Variants in MTARC2 observed in about 807,000 individuals in gnomAD.
MTARC2 encodes MOCO sulphurase C-terminal domain containing 2.
In MTARC2, 27 loss-of-function variants were observed where a neutral mutation model predicts 35.6. That is an observed-to-expected ratio of 0.76 (90% CI 0.56 to 1.04). MTARC2 has a LOEUF of 1.04. Ranked by LOEUF, MTARC2 falls within the 50% of genes least tolerant of loss-of-function variation. The pLI, the probability that MTARC2 is intolerant of heterozygous loss-of-function variation, is 0.00. For missense variants in MTARC2, 412 were observed against 432.5 expected (o/e 0.95, Z 0.42); for synonymous variants, 158 against 167.1 (o/e 0.95, Z 0.42).
At chr1:220,778,238 AC>A (rs1392487167) in intron 4 of MTARC2, among the ~76,000 whole-genome samples, 1 of 106,566 alleles carries the variant, frequency 9.4e-6, no homozygotes, top group Non-Finnish European at 1.8e-5. Context: ...ACAGAGTGAG[AC>A]TCTGTCTCAA....
In MTARC2 at chr1:220,763,069, T is replaced by C; in HGVS notation, c.750+19T>C. ...TGAGGAGGTAAGCGACCCACTGCTT[T>C]TGTGCATCATGCTCAGATGTGCTGC... On this transcript the variant is annotated intron_variant, in intron 4 of 7. Coordinates refer to ENST00000366913, the MANE Select transcript of MTARC2 (RefSeq NM_017898.5). The C allele has an allele frequency of 1.2e-6, 2 of 1,614,150 alleles. No homozygotes were observed. The highest frequency in any genetic ancestry group is 1.3e-5 in the African/African-American group (1 of 75,038).
chr1:220,767,999 A>G (rs1671628203), intron 4 of MTARC2, among the ~76,000 whole-genome samples: 1 of 152,238 alleles, frequency 6.6e-6, no homozygotes, highest in African/African-American at 2.4e-5. Context: ...TAAGAACAGC[A>G]GTCTCTACCA....
At chr1:220,782,250 C>T (rs1333153127) in intron 7 of MTARC2, among the ~76,000 whole-genome samples, 1 of 152,208 alleles carries the variant, frequency 6.6e-6, no homozygotes, top group Non-Finnish European at 1.5e-5. Context: ...GATTGATTCT[C>T]AGAGTTATGT....
Position 220,783,915 on chromosome 1 carries a change from T to C in MTARC2, c.*32-4T>C. On this transcript the variant is annotated splice_polypyrimidine_tract_variant and splice_region_variant and intron_variant, in intron 7 of 7. Transcript: ENST00000366913. ...ATAACCAGAGATTCTTATTATTTAT[T>C]CAGGCTTCAGCAACCAGGAGGGATT... is the stretch of plus-strand genomic sequence containing the variant. 1 of 717,456 alleles carries C rather than the reference T, an allele frequency of 1.4e-6. No individual in the cohort carries two copies. Among genetic ancestry groups the C allele is most frequent in the Non-Finnish European group, 2.6e-6 (1 of 385,084 alleles). The allele number at this position is 717,456 out of a possible 1,614,324, so 44.4% of individuals were successfully genotyped here.
intron 4 of MTARC2, among the ~76,000 whole-genome samples, chr1:220,769,130 C>A (rs760619812): frequency 5.3e-5 from 8 of 152,206 alleles, no homozygotes; most frequent in Non-Finnish European, 8.8e-5. Flanking sequence ...ACAACTGAGT[C>A]ATTTGTAATA....
intron 2 of MTARC2, among the ~76,000 whole-genome samples, chr1:220,761,012 A>G (rs1572298644): frequency 6.6e-6 from 1 of 152,238 alleles, no homozygotes; most frequent in South Asian, 2.1e-4. Context: ...TAAACTTATG[A>G]TGAAAAAGTT....
rs551130473 is a variant in MTARC2 at position 220,760,010 on chromosome 1, G to T, written c.447-1648G>T. On this transcript the variant is annotated intron_variant, in intron 2 of 7. Coordinates refer to ENST00000366913, the MANE Select transcript of MTARC2 (RefSeq NM_017898.5). ...GCCTCAGGAGTCCTCACACTGGTAT[G>T]AGCCTTCCCACGGGGAGGGGCAAGC... Among the ~76,000 whole-genome samples the T allele has an allele frequency of 3.9e-5, 6 of 152,264 alleles. No individual in the cohort carries two copies. The South Asian group carries it at 8.3e-4, about 21-fold the overall frequency.
At chr1:220,751,644 G>C (rs1671128026) in intron 1 of MTARC2, among the ~76,000 whole-genome samples, 1 of 152,142 alleles carries the variant, frequency 6.6e-6, no homozygotes, top group Non-Finnish European at 1.5e-5. Flanking sequence ...ATTGAGAAAT[G>C]ATATTTTTTT....
At chr1:220,754,422 C>T (rs775817303) in intron 1 of MTARC2, 50 of 456,198 alleles carry the variant, frequency 1.1e-4, no homozygotes, top group African/African-American at 5.4e-4. Flanking sequence ...GTAGGACCCC[C>T]GCATGCCGCG....
At chr1:220,756,143 T>C (rs1671275050) in intron 2 of MTARC2, 1 of 152,302 alleles carries the variant, frequency 6.6e-6, no homozygotes, top group South Asian at 2.1e-4. Context: ...ATGGGACTTC[T>C]GTTGGGTTGT....
At chr1:220,753,610 C>T (rs1041554417) in intron 1 of MTARC2, among the ~76,000 whole-genome samples, 1 of 152,208 alleles carries the variant, frequency 6.6e-6, no homozygotes, top group East Asian at 1.9e-4. Flanking sequence ...GAATGTCTCC[C>T]TGGGAGGAGC....
chr1:220,775,766 A>G (rs1404893692), intron 4 of MTARC2, among the ~76,000 whole-genome samples: 2 of 152,232 alleles, frequency 1.3e-5, no homozygotes, highest in African/African-American at 4.8e-5. Context: ...CTTATACATT[A>G]GAACATGTTG....
intron 1 of MTARC2, among the ~76,000 whole-genome samples, chr1:220,750,553 C>A (rs938840166): frequency 6.6e-6 from 1 of 152,142 alleles, no homozygotes; most frequent in African/African-American, 2.4e-5. Flanking sequence ...AACTGTATTA[C>A]CTTTCCCTTG....
At chr1:220,769,799 A>G (rs1321556699) in intron 4 of MTARC2, among the ~76,000 whole-genome samples, 1 of 148,840 alleles carries the variant, frequency 6.7e-6, no homozygotes, top group Non-Finnish European at 1.5e-5. Context: ...TTTTTCACAA[A>G]TGTCTCTCAG....
intron 4 of MTARC2, among the ~76,000 whole-genome samples, chr1:220,767,637 C>G (rs1484034158): frequency 1.3e-5 from 2 of 152,160 alleles, no homozygotes; most frequent in African/African-American, 2.4e-5. Flanking sequence ...TGCTCACTGT[C>G]CTGATGAGAT....
intron 4 of MTARC2, 191 bp from the exon 5 acceptor site, chr1:220,779,827 G>T: frequency 2.2e-6 from 1 of 445,964 alleles, no homozygotes; most frequent in South Asian, 4.0e-5. Context: ...TTGAGACTGG[G>T]AGTCAAGAGG....
chr1:220,761,541 C>T (rs1671435572), intron 2 of MTARC2, 117 bp from the exon 3 acceptor site: 3 of 968,446 alleles, frequency 3.1e-6, no homozygotes, highest in Admixed American at 6.2e-5. Context: ...ACCCAGGGAC[C>T]ACTTAACAGC....
chr1:220,756,925 G>A (rs1431040616), intron 2 of MTARC2, among the ~76,000 whole-genome samples: 11 of 152,274 alleles, frequency 7.2e-5, no homozygotes, highest in East Asian at 3.9e-4. Context: ...TTTTTGAGAC[G>A]GAGTTTTGCT....
At chr1:220,759,360 T>G (rs1420288676) in intron 2 of MTARC2, among the ~76,000 whole-genome samples, 1 of 152,174 alleles carries the variant, frequency 6.6e-6, no homozygotes, top group Non-Finnish European at 1.5e-5. Flanking sequence ...ATGAGACATT[T>G]TGTGTCAAAA....
Sources: gnomAD v4.1 joint callset for allele counts (sites outside exome capture counted in the v4.1 genomes callset) on GRCh38, gnomAD v4.1.1 for gene constraint, MANE v1.5 for transcripts, NCBI Gene and HGNC (gene_info 2026-07-23, HGNC 2026-07-21) for gene names.